CEP164: variants seen among roughly 807,000 people sequenced by gnomAD.
CEP164 encodes centrosomal protein of 164 kDa.
CEP164 carries 162 observed loss-of-function variants against 182.7 expected under a neutral mutation model. That is an observed-to-expected ratio of 0.89 (90% CI 0.78 to 1.01). The LOEUF (loss-of-function observed/expected upper bound fraction) is 1.01. CEP164 is among the 50% of genes least tolerant of loss of function. The pLI is 0.00. For missense variants in CEP164, 1,735 were observed against 1,790.4 expected, an observed-to-expected ratio of 0.97 and a Z score of 0.56; for synonymous variants, 661 against 690.0, an observed-to-expected ratio of 0.96 and a Z score of 0.66.
upstream of CEP164, among the ~76,000 whole-genome samples, chr11:117,327,216 G>A (rs187669186): frequency 6.6e-6 from 1 of 152,288 alleles, no homozygotes; most frequent in East Asian, 1.9e-4. Context: ...GCACAGGAGA[G>A]CCAGTTTTTT....
At chr11:117,370,959 G>C (rs1487500133) in intron 8 of CEP164, 121 bp from the exon 9 acceptor site, 7 of 1,025,276 alleles carry the variant, frequency 6.8e-6, no homozygotes, top group Non-Finnish European at 8.5e-6. Context: ...TAACCATTGG[G>C]GCAGAACTCA....
chr11:117,336,945 G>A (rs2134976636), intron 2 of CEP164, among the ~76,000 whole-genome samples: 1 of 152,172 alleles, frequency 6.6e-6, no homozygotes, highest in African/African-American at 2.4e-5. Context: ...AGCTGCCATG[G>A]GGAGAGTTGG....
At chr11:117,327,109 C>G (rs563146727), upstream of CEP164, among the ~76,000 whole-genome samples, 1 of 152,330 alleles carries the variant, frequency 6.6e-6, no homozygotes, top group East Asian at 1.9e-4. Flanking sequence ...CTATCCCCAT[C>G]TTGCAGACAT....
intron 15 of CEP164, among the ~76,000 whole-genome samples, chr11:117,388,126 C>T (rs1300281012): frequency 6.6e-6 from 1 of 152,236 alleles, no homozygotes; most frequent in Non-Finnish European, 1.5e-5. Context: ...GGATGTGACT[C>T]ACCTTAAGGT....
chr11:117,331,247 C>T (rs545281260), intron 1 of CEP164, among the ~76,000 whole-genome samples: 1 of 152,220 alleles, frequency 6.6e-6, no homozygotes, highest in Non-Finnish European at 1.5e-5. Flanking sequence ...ACTGGGAATA[C>T]TTAGCCTACC....
rs946699573 is a variant in CEP164 at position 117,408,739 on chromosome 11, A to C, written c.3610-151A>C. 38 of 938,362 alleles carry C rather than the reference A, an allele frequency of 4.0e-5. No homozygotes were observed. The Middle Eastern group carries it at 9.4e-4, about 23-fold the overall frequency. The allele number at this position is 938,362 out of a possible 1,614,324, so 58.1% of individuals were successfully genotyped here. ...GCTAGGAGAACAAATGGAGATGGCC[A>C]TATTTCATGGATTTGCGTAAGAAAA... On this transcript the variant is annotated intron_variant, in intron 28 of 32. Coordinates refer to ENST00000278935, the MANE Select transcript of CEP164 (RefSeq NM_014956.5).
At position 117,393,259 on chromosome 11, in the gene CEP164, G is replaced by T. The variant is rs530496181; in HGVS notation, c.2616+133G>T. 7.9e-6 allele frequency: 11 copies of T among 1,395,054 alleles called. No individual in the cohort carries two copies. The East Asian group carries it at 8.5e-5, about 11-fold the overall frequency. 86.4% of individuals were successfully genotyped at this position (1,395,054 alleles called of 1,614,324 possible). On this transcript the variant is annotated intron_variant, in intron 20 of 32. Coordinates refer to ENST00000278935, the MANE Select transcript of CEP164 (RefSeq NM_014956.5). ...GGGGTCCTTCCCACCTGGCTGTGGG[G>T]CAGAGGAAGGGGATAAACTGTGGTC...
intron 1 of CEP164, among the ~76,000 whole-genome samples, chr11:117,334,336 C>T (rs2036697087): frequency 6.6e-6 from 1 of 152,170 alleles, no homozygotes; most frequent in Non-Finnish European, 1.5e-5. Flanking sequence ...GCCTTTTGGA[C>T]CTGTCCTTGC....
chr11:117,358,916 C>CCCTCACTG (rs1032211962), intron 5 of CEP164, among the ~76,000 whole-genome samples: 6 of 151,702 alleles, frequency 4.0e-5, no homozygotes, highest in Admixed American at 1.3e-4. Context: ...CCATCTCTGC[C>CCCTCACTG]CCTCACTGGC....
At chr11:117,325,905 CTTTTTTTT>C, upstream of CEP164, among the ~76,000 whole-genome samples, 1 of 130,058 alleles carries the variant, frequency 7.7e-6, no homozygotes, top group African/African-American at 2.8e-5. Context: ...CAAGTAGGAC[CTTTTTTTT>C]TTTTTTTTTT....
At chr11:117,329,242 A>T (rs996509829) in intron 1 of CEP164, among the ~76,000 whole-genome samples, 3 of 152,192 alleles carry the variant, frequency 2.0e-5, no homozygotes, top group East Asian at 3.9e-4. Context: ...GACTACAGGC[A>T]TGCACCACTA....
chr11:117,384,663 C>T (rs1163701661), intron 14 of CEP164: 2 of 152,262 alleles, frequency 1.3e-5, no homozygotes, highest in African/African-American at 4.8e-5. Flanking sequence ...TGAGAAATAC[C>T]TGACCACGCA....
chr11:117,386,922 G>C (rs902023529), intron 14 of CEP164: 151 of 399,550 alleles, frequency 3.8e-4, no homozygotes, highest in Non-Finnish European at 3.9e-4. Flanking sequence ...CGCAGCTTCA[G>C]ATTTTGATCT....
chr11:117,336,640 G>GT (rs2037172077), intron 2 of CEP164: 4 of 1,104,952 alleles, frequency 3.6e-6, no homozygotes, highest in Admixed American at 3.4e-5. Context: ...ATGTTTAGGT[G>GT]TGTCCTCCAG....
At chr11:117,332,570 CCT>C (rs1420254316) in intron 1 of CEP164, among the ~76,000 whole-genome samples, 1 of 152,076 alleles carries the variant, frequency 6.6e-6, no homozygotes, top group Non-Finnish European at 1.5e-5. Context: ...GAGCGAAACT[CCT>C]CTGTCTCAAA....
chr11:117,353,971 C>T (rs1401345307), intron 5 of CEP164, among the ~76,000 whole-genome samples: 1 of 151,304 alleles, frequency 6.6e-6, no homozygotes, highest in East Asian at 1.9e-4. Context: ...TTCCGGGTGT[C>T]CTTGGTAAGG....
At chr11:117,333,627 C>T (rs1415461276) in intron 1 of CEP164, among the ~76,000 whole-genome samples, 1 of 152,208 alleles carries the variant, frequency 6.6e-6, no homozygotes, top group African/African-American at 2.4e-5. Context: ...CACCTGGGCT[C>T]AAGTGATCCT....
intron 4 of CEP164, among the ~76,000 whole-genome samples, chr11:117,350,306 A>G (rs1167048406): frequency 6.6e-6 from 1 of 151,728 alleles, no homozygotes; most frequent in East Asian, 1.9e-4. Context: ...GGGCTCAAAC[A>G]ATCCTCCCAC....
At chr11:117,333,196 T>TAG (rs1424216498) in intron 1 of CEP164, among the ~76,000 whole-genome samples, 1 of 73,010 alleles carries the variant, frequency 1.4e-5, no homozygotes, top group Admixed American at 1.8e-4. Context: ...TAATTTTTTG[T>TAG]AGAGACGGTC....
Sources: gnomAD v4.1 joint callset for allele counts (sites outside exome capture counted in the v4.1 genomes callset) on GRCh38, gnomAD v4.1.1 for gene constraint, MANE v1.5 for transcripts, NCBI Gene and HGNC (gene_info 2026-07-23, HGNC 2026-07-21) for gene names.